Variants in PDE5A observed in about 807,000 individuals in gnomAD.
PDE5A encodes phosphodiesterase 5A.
Under a neutral mutation model 110.2 loss-of-function variants are expected in PDE5A, and 67 were observed. The observed-to-expected ratio is 0.61, with a 90% CI of 0.50 to 0.75. PDE5A has a LOEUF of 0.75. Among genes scored for constraint, PDE5A ranks in the 30% least tolerant of loss-of-function variants. The pLI is 0.00. For synonymous variants in PDE5A, 328 were observed against 351.2 expected (o/e 0.93, Z 0.74); for missense variants, 862 against 1,045.1 (o/e 0.82, Z 2.42).
rs188114538 is a variant in PDE5A, at chr4:119,498,274, T to G, written c.*327A>C. On this transcript the variant is annotated 3_prime_UTR_variant, in exon 21 of 21. Transcript: ENST00000354960. ...AAACACAAAAACCAATTATTTAAAA[T>G]AATCCCCAAGCAAAAAAACCTCAGT... 72 of 193,250 alleles carry G rather than the reference T, an allele frequency of 3.7e-4. 3 individuals are homozygous for G. The highest frequency in any genetic ancestry group is 3.4e-3 in the Admixed American group (59 of 17,256). The allele number at this position is 193,250 out of a possible 1,614,324, so 12.0% of individuals were successfully genotyped here.
intron 5 of PDE5A, among the ~76,000 whole-genome samples, chr4:119,564,143 G>A (rs1727841612): frequency 6.6e-6 from 1 of 151,622 alleles, no homozygotes; most frequent in African/African-American, 2.4e-5. Context: ...TACAAAATAT[G>A]TATTATATGC....
At chr4:119,626,913 T>C (rs1302053363) in intron 1 of PDE5A, among the ~76,000 whole-genome samples, 2 of 140,434 alleles carry the variant, frequency 1.4e-5, no homozygotes, top group Non-Finnish European at 1.6e-5. Context: ...GGATGTTCCT[T>C]AGGAAAAAAA....
chr4:119,627,395 G>T lies in PDE5A; in HGVS notation c.152+1125C>A. On this transcript the variant is annotated intron_variant, in intron 1 of 20. Transcript: ENST00000354960. The surrounding 1 kb of genome is among the most constrained non-coding windows in gnomAD (Gnocchi z 4.6). ...ACCGGCAGAGCCGCGGCCGCGCGCC[G>T]GCGAGTGGGACCCGGGCGTCGAACC... 1 of 735,810 alleles carries T rather than the reference G, an allele frequency of 1.4e-6. No homozygotes were observed. The highest frequency in any genetic ancestry group is 1.7e-6 in the Non-Finnish European group (1 of 600,832). 45.6% of individuals were successfully genotyped at this position (735,810 alleles called of 1,614,324 possible). A position where few individuals can be genotyped will look rare whatever the true frequency, so the allele number is the denominator to read the frequency against.
chr4:119,511,049 G>C lies in PDE5A; in HGVS notation c.2086C>G (p.Pro696Ala). 1 of 1,553,074 alleles carries C rather than the reference G, an allele frequency of 6.4e-7. No individual in the cohort carries two copies. The highest frequency in any genetic ancestry group is 8.9e-7 in the Non-Finnish European group (1 of 1,129,258). ...ACAACAATAAATTAGGTACTTACTGGACTATTAAGAATCATCAGGCACTGG... is the reference window on the plus strand; with the variant it reads ...ACAACAATAAATTAGGTACTTACTGCACTATTAAGAATCATCAGGCACTGG... ...FDQCLMILNS[P>A]GNQILSGLSI... Residue 696 changes from proline to alanine, a missense_variant and splice_region_variant, in exon 15 of 21, where the codon CCA (proline) becomes GCA (alanine). Transcript: ENST00000354960.
Position 119,606,693 on chromosome 4 carries a change from A to G in PDE5A, c.741+16T>C. 6.3e-7 allele frequency: 1 copy of G among 1,597,092 alleles called. No individual in the cohort carries two copies. The highest frequency in any genetic ancestry group is 8.6e-7 in the Non-Finnish European group (1 of 1,165,802). ...CCTCCCCAGCACTGGTCCTGCTCTC[A>G]TGCTCCCCTGTTTACCTCATATGCA... On this transcript the variant is annotated intron_variant, in intron 2 of 20. Coordinates refer to ENST00000354960, the MANE Select transcript of PDE5A (RefSeq NM_001083.4).
At chr4:119,577,683 A>G (rs1206452511) in intron 3 of PDE5A, among the ~76,000 whole-genome samples, 4 of 152,226 alleles carry the variant, frequency 2.6e-5, no homozygotes, top group Non-Finnish European at 4.4e-5. Context: ...GATGGGACGT[A>G]TCTCAAAATA....
Position 119,507,608 on chromosome 4 carries a change from T to G in PDE5A, c.2185A>C (p.Ile729Leu), listed in dbSNP as rs760158117. The change falls in exon 16 of 21, where the codon ATT becomes CTT. Residue 729 changes from isoleucine to leucine, a missense_variant. Transcript: ENST00000354960. ...AILATDLALYIKRRGEFFELI... is the reference protein window; with the variant it reads ...AILATDLALYLKRRGEFFELI... ...AGGTTATTTCTTAAAACTTACTTAATGTACAGTGCTAGGTCTGTAGCTAAA... is the reference window on the plus strand; with the variant it reads ...AGGTTATTTCTTAAAACTTACTTAAGGTACAGTGCTAGGTCTGTAGCTAAA... 6.4e-7 allele frequency: 1 copy of G among 1,550,626 alleles called. No individual in the cohort carries two copies. Among genetic ancestry groups the G allele is most frequent in the Non-Finnish European group, 8.7e-7 (1 of 1,144,054 alleles).
rs1302237742 is a variant in PDE5A at position 119,542,638 on chromosome 4, T to C, written c.1397-4A>G. The C allele has an allele frequency of 1.9e-6, 3 of 1,610,310 alleles. No individual in the cohort carries two copies. Among genetic ancestry groups the C allele is most frequent in the South Asian group, 1.1e-5 (1 of 90,860 alleles). On this transcript the variant is annotated splice_region_variant and splice_polypyrimidine_tract_variant and intron_variant, in intron 9 of 20. Coordinates refer to ENST00000354960, the MANE Select transcript of PDE5A (RefSeq NM_001083.4). ...TTATTAACAAGTTGGCAAACCCCTA[T>C]AACAATCCGAGAAATTGAGCAAATG...
At position 119,562,876 on chromosome 4, in the gene PDE5A, T is replaced by C; in HGVS notation, c.1088A>G (p.Gln363Arg). The change falls in exon 6 of 21, where the codon CAA (glutamine) becomes CGA (arginine). Residue 363 changes from glutamine to arginine, a missense_variant. Gln to Arg is a conservative substitution (Grantham distance 43). Coordinates refer to ENST00000354960, the MANE Select transcript of PDE5A (RefSeq NM_001083.4). ...TATGAAAATGGTGCATTTCTGCACT[T>C]GCATGAAAGAGATAATAGTGGCAGC... ...KIAATIISFM[Q>R]VQKCTIFIVD... 6.3e-7 allele frequency: 1 copy of C among 1,594,360 alleles called. No homozygotes were observed. Among genetic ancestry groups the C allele is most frequent in the Non-Finnish European group, 8.5e-7 (1 of 1,172,374 alleles).
chr4:119,539,344 T>A (rs537639000), intron 10 of PDE5A, among the ~76,000 whole-genome samples: 2 of 151,644 alleles, frequency 1.3e-5, no homozygotes, highest in South Asian at 4.2e-4. Flanking sequence ...AAATTTATTT[T>A]GTTTTTTTTT....
At chr4:119,622,321 C>T (rs1270353689) in intron 1 of PDE5A, among the ~76,000 whole-genome samples, 2 of 152,204 alleles carry the variant, frequency 1.3e-5, no homozygotes, top group African/African-American at 4.8e-5. Context: ...AGGTATTCAA[C>T]TAAAAGTAGA....
chr4:119,499,099 G>A (rs556943650), intron 20 of PDE5A, among the ~76,000 whole-genome samples: 25 of 152,216 alleles, frequency 1.6e-4, no homozygotes, highest in East Asian at 9.6e-4. Context: ...TAGTTTTTGC[G>A]TTTTTCTAGG....
intron 10 of PDE5A, chr4:119,539,241 A>T (rs2110484448): frequency 4.4e-6 from 2 of 455,844 alleles, no homozygotes; most frequent in Middle Eastern, 6.0e-4. Context: ...TTTAAAGAAA[A>T]CTCTTGTAAC....
At chr4:119,625,939 T>C (rs1198510408) in intron 1 of PDE5A, among the ~76,000 whole-genome samples, 7 of 152,178 alleles carry the variant, frequency 4.6e-5, no homozygotes, top group African/African-American at 1.4e-4. Flanking sequence ...ACACACAAAT[T>C]CTTAGGTTAT....
At chr4:119,559,067 T>G (rs1435766905) in intron 7 of PDE5A, among the ~76,000 whole-genome samples, 2 of 120,236 alleles carry the variant, frequency 1.7e-5, no homozygotes, top group African/African-American at 5.7e-5. Flanking sequence ...CACTGACCTA[T>G]TTAACCTTTA....
rs115283135 is a variant in PDE5A, at chr4:119,495,283, C to G, written c.*3318G>C. ...TGGGGTCACTGCTCTGTCTCCACAGCAGAGCACGGTACCTAACATGTGGCA... is the reference window on the plus strand; with the variant it reads ...TGGGGTCACTGCTCTGTCTCCACAGGAGAGCACGGTACCTAACATGTGGCA... On this transcript the variant is annotated 3_prime_UTR_variant, in exon 21 of 21. Transcript: ENST00000354960. 2 of 152,244 alleles carry G rather than the reference C, an allele frequency of 1.3e-5. No individual in the cohort carries two copies. The highest frequency in any genetic ancestry group is 2.4e-5 in the African/African-American group (1 of 41,568). 9.4% of individuals were successfully genotyped at this position (152,244 alleles called of 1,614,324 possible). A position where few individuals can be genotyped will look rare whatever the true frequency, so the allele number is the denominator to read the frequency against.
chr4:119,538,794 A>G (rs977135000), intron 11 of PDE5A, 166 bp downstream of exon 11: 6 of 656,922 alleles, frequency 9.1e-6, no homozygotes, highest in African/African-American at 7.3e-5. Flanking sequence ...CACAGTCAGT[A>G]TAAGTTATTT....
intron 2 of PDE5A, among the ~76,000 whole-genome samples, chr4:119,604,037 AAAT>A (rs1407543119): frequency 6.6e-6 from 1 of 152,242 alleles, no homozygotes; most frequent in African/African-American, 2.4e-5. Flanking sequence ...ATCACAATGT[AAAT>A]TAGATCACAG....
chr4:119,522,575 A>G (rs1726166004), intron 12 of PDE5A, among the ~76,000 whole-genome samples: 1 of 152,122 alleles, frequency 6.6e-6, no homozygotes, highest in South Asian at 2.1e-4. Context: ...ATATAATACC[A>G]TATATTGTGA....
Sources: gnomAD v4.1 joint callset for allele counts (sites outside exome capture counted in the v4.1 genomes callset) on GRCh38, gnomAD v4.1.1 for gene constraint, Gnocchi (gnomAD v3.1) non-coding constraint, MANE v1.5 for transcripts, NCBI Gene and HGNC (gene_info 2026-07-23, HGNC 2026-07-21) for gene names.